The following PLD5 variants were observed in gnomAD, a reference collection of about 807,000 sequenced individuals.
PLD5 encodes the protein phospholipase D family member 5, also known as inactive phospholipase D5.
A neutral mutation model predicts 61.1 loss-of-function variants in PLD5; 36 were observed. That is an observed-to-expected ratio of 0.59 (90% CI 0.45 to 0.78). The LOEUF (loss-of-function observed/expected upper bound fraction) is 0.78, where lower values mean the gene tolerates loss of function less well. Ranked by LOEUF, PLD5 falls within the 30% of genes least tolerant of loss-of-function variation. PLD5 has a pLI of 0.00. For synonymous variants in PLD5, 243 were observed against 242.8 expected, an observed-to-expected ratio of 1.00 and a Z score of -0.01; for missense variants, 515 against 644.4, an observed-to-expected ratio of 0.80 and a Z score of 2.17.
chr1:242,230,367 C>T (rs765154149), intron 4 of PLD5, among the ~76,000 whole-genome samples: 1 of 152,134 alleles, frequency 6.6e-6, no homozygotes, highest in Non-Finnish European at 1.5e-5. Flanking sequence ...CAAAGGGAAA[C>T]ATAACACTAT....
chr1:242,207,847 T>TAA, intron 5 of PLD5, among the ~76,000 whole-genome samples: 1 of 57,950 alleles, frequency 1.7e-5, no homozygotes, highest in Non-Finnish European at 2.9e-5. Context: ...TATATTTATA[T>TAA]ATATTTATAT....
chr1:242,346,820 C>CA (rs1660163795), intron 2 of PLD5, among the ~76,000 whole-genome samples: 1 of 152,116 alleles, frequency 6.6e-6, no homozygotes. Flanking sequence ...CCTGACTCTC[C>CA]AACAGGCCCT....
intron 4 of PLD5, among the ~76,000 whole-genome samples, chr1:242,245,178 A>C (rs1017150255): frequency 1.3e-5 from 2 of 152,204 alleles, no homozygotes; most frequent in African/African-American, 4.8e-5. Flanking sequence ...AAAAAAAAGG[A>C]GCCTTTTAGA....
intron 7 of PLD5, 53 bp from the exon 8 acceptor site, chr1:242,107,892 G>T: frequency 6.8e-7 from 1 of 1,474,234 alleles, no homozygotes; most frequent in Non-Finnish European, 9.2e-7. Flanking sequence ...TTTGGGAAAA[G>T]AAATTTACTA....
In PLD5 at chr1:242,123,579, A is replaced by G. The variant is rs141023258; in HGVS notation, c.933+889T>C. On this transcript the variant is annotated intron_variant, in intron 6 of 9. Transcript: ENST00000536534. The stretch of plus-strand genomic sequence containing the variant: ...ATCTGCCAGTTCATTCCACTTGCAC[A>G]GCTCTGAGATGTGGGAGGAAACAGC... 1.2e-3 allele frequency among the ~76,000 whole-genome samples: 187 copies of G among 152,318 alleles called. 1 individual carries two copies. The highest frequency in any genetic ancestry group is 4.2e-3 in the African/African-American group (176 of 41,580).
chr1:242,290,199 A>C (rs556588853), intron 2 of PLD5, among the ~76,000 whole-genome samples: 2 of 131,834 alleles, frequency 1.5e-5, no homozygotes, highest in Non-Finnish European at 3.2e-5. Flanking sequence ...TAAGAAGCTT[A>C]ATCAGAGGGA....
At chr1:242,297,929 G>A (rs1412299389) in intron 2 of PLD5, among the ~76,000 whole-genome samples, 3 of 152,120 alleles carry the variant, frequency 2.0e-5, no homozygotes, top group South Asian at 2.1e-4. Flanking sequence ...GTGAGCCACC[G>A]CGCCCGGCCC....
chr1:242,241,967 T>C (rs1277715548), intron 4 of PLD5, among the ~76,000 whole-genome samples: 2 of 120,894 alleles, frequency 1.7e-5, no homozygotes, highest in Non-Finnish European at 3.3e-5. Context: ...ATATGCTTAC[T>C]TAAATATATA....
intron 1 of PLD5, among the ~76,000 whole-genome samples, chr1:242,383,830 G>C (rs999121902): frequency 6.6e-6 from 1 of 152,134 alleles, no homozygotes; most frequent in Admixed American, 6.5e-5. Context: ...CTTTGGAAAA[G>C]ACCCACTGCA....
At chr1:242,173,944 C>T in intron 5 of PLD5, among the ~76,000 whole-genome samples, 1 of 152,066 alleles carries the variant, frequency 6.6e-6, no homozygotes, top group Middle Eastern at 3.2e-3. Flanking sequence ...CCATAAAAAC[C>T]CTAGAAGAAA....
At chr1:242,431,382 C>G (rs568641541) in intron 1 of PLD5, among the ~76,000 whole-genome samples, 1 of 152,344 alleles carries the variant, frequency 6.6e-6, no homozygotes, top group East Asian at 1.9e-4. Context: ...CATGGATAAT[C>G]TTTTCTAGCG....
At chr1:242,221,431 T>C (rs1609951) in intron 4 of PLD5, among the ~76,000 whole-genome samples, 46,176 of 152,132 alleles carry the variant, frequency 0.3, 7,305 homozygotes, top group East Asian at 0.53. Context: ...TAAGACTGTA[T>C]GCAGAAGGAT....
intron 1 of PLD5, among the ~76,000 whole-genome samples, chr1:242,419,607 G>T (rs1387772623): frequency 9.4e-6 from 1 of 106,904 alleles, no homozygotes. Flanking sequence ...TAGAAACAGG[G>T]TTTCACTATG....
At chr1:242,112,350 T>G (rs796688198) in intron 7 of PLD5, among the ~76,000 whole-genome samples, 2,202 of 150,520 alleles carry the variant, frequency 0.015, 70 homozygotes, top group African/African-American at 0.05. Context: ...TATATATATA[T>G]ATAGATGGAG....
intron 1 of PLD5, among the ~76,000 whole-genome samples, chr1:242,431,935 T>C (rs548276123): frequency 6.6e-6 from 1 of 152,312 alleles, no homozygotes; most frequent in South Asian, 2.1e-4. Flanking sequence ...GGTAAGTCAA[T>C]GACAGTCACA....
chr1:242,178,850 G>A (rs1667340623), intron 5 of PLD5, among the ~76,000 whole-genome samples: 1 of 152,168 alleles, frequency 6.6e-6, no homozygotes, highest in Admixed American at 6.5e-5. Context: ...CTGGCTTTGT[G>A]TCTTTACATT....
chr1:242,179,294 C>T (rs530033113), intron 5 of PLD5, among the ~76,000 whole-genome samples: 7 of 152,252 alleles, frequency 4.6e-5, no homozygotes, highest in South Asian at 2.1e-4. Context: ...GGGGAGCAGA[C>T]GGAGCATTCT....
intron 5 of PLD5, among the ~76,000 whole-genome samples, chr1:242,190,739 C>CA (rs140287978): frequency 0.031 from 4,597 of 147,592 alleles, 244 homozygotes; most frequent in African/African-American, 0.11. Flanking sequence ...AACAAACAAA[C>CA]AAAAAAAAAA....
intron 2 of PLD5, 73 bp from the exon 3 acceptor site, chr1:242,288,603 T>C (rs911059153): frequency 2.7e-6 from 4 of 1,492,044 alleles, no homozygotes; most frequent in Non-Finnish European, 2.7e-6. Flanking sequence ...TATATATGCA[T>C]ACAGCAGACA....
Sources: gnomAD v4.1 joint callset for allele counts (sites outside exome capture counted in the v4.1 genomes callset) on GRCh38, gnomAD v4.1.1 for gene constraint, MANE v1.5 for transcripts, NCBI Gene and HGNC (gene_info 2026-07-23, HGNC 2026-07-21) for gene names.